The following UST variants were observed in gnomAD, a reference collection of about 807,000 sequenced individuals.
The protein encoded by UST is chondroitin sulfate 2-O-sulfotransferase.
In UST, 21 loss-of-function variants were observed where a neutral mutation model predicts 45.6. That is an observed-to-expected ratio of 0.46 (90% CI 0.33 to 0.66). The LOEUF (loss-of-function observed/expected upper bound fraction) is 0.66. Ranked by LOEUF, UST falls within the 30% of genes least tolerant of loss-of-function variation. The pLI is 0.02. For missense variants in UST, 463 were observed against 512.4 expected (o/e 0.90, Z 0.93); for synonymous variants, 215 against 200.6 (o/e 1.07, Z -0.61).
chr6:148,829,955 A>G (rs1036918189), intron 1 of UST, among the ~76,000 whole-genome samples: 1 of 152,246 alleles, frequency 6.6e-6, no homozygotes, highest in African/African-American at 2.4e-5. Flanking sequence ...AAAGACTTGC[A>G]TATCACTTTG....
chr6:148,864,283 G>T (rs1778381739), intron 1 of UST, among the ~76,000 whole-genome samples: 1 of 152,248 alleles, frequency 6.6e-6, no homozygotes, highest in South Asian at 2.1e-4. Context: ...GAGGCTCCAT[G>T]GGCGTGGGAC....
intron 1 of UST, among the ~76,000 whole-genome samples, chr6:148,782,981 TGAAAA>T (rs1480983819): frequency 6.6e-6 from 1 of 152,186 alleles, no homozygotes; most frequent in Non-Finnish European, 1.5e-5. Context: ...AGATCTTTCG[TGAAAA>T]GAAGAGTACA....
intron 1 of UST, among the ~76,000 whole-genome samples, chr6:148,881,027 TAAA>T (rs376159476): frequency 1.5e-5 from 2 of 136,960 alleles, no homozygotes; most frequent in Admixed American, 7.4e-5. Context: ...AGACTCCGTC[TAAA>T]AAAAAAAAAA....
At chr6:149,022,996 A>T (rs947026005) in intron 7 of UST, among the ~76,000 whole-genome samples, 32 of 152,150 alleles carry the variant, frequency 2.1e-4, no homozygotes, top group African/African-American at 7.7e-4. Context: ...AGACAACATA[A>T]ACTCCGTTCT....
intron 2 of UST, among the ~76,000 whole-genome samples, chr6:148,923,258 A>G (rs765117752): frequency 1.1e-4 from 16 of 152,224 alleles, no homozygotes; most frequent in Non-Finnish European, 1.9e-4. Context: ...GAATATTTCA[A>G]TACAAGACTT....
intron 5 of UST, among the ~76,000 whole-genome samples, chr6:148,966,789 C>T (rs9390646): frequency 0.34 from 52,358 of 152,000 alleles, 9,239 homozygotes; most frequent in Non-Finnish European, 0.38. Flanking sequence ...CAGGCTGGAG[C>T]GCAGTGGCAA....
intron 7 of UST, among the ~76,000 whole-genome samples, chr6:149,022,785 A>G (rs529914464): frequency 6.6e-6 from 1 of 152,218 alleles, no homozygotes; most frequent in Admixed American, 6.5e-5. Context: ...TGGCCCTACC[A>G]CCATCAGGGA....
chr6:148,804,603 G>A (rs117096446), intron 1 of UST, among the ~76,000 whole-genome samples: 9 of 152,148 alleles, frequency 5.9e-5, no homozygotes, highest in African/African-American at 1.2e-4. Context: ...TGTGTTTCAG[G>A]GGGGAGAAGT....
At chr6:148,801,249 A>G (rs965837067) in intron 1 of UST, among the ~76,000 whole-genome samples, 12 of 152,024 alleles carry the variant, frequency 7.9e-5, no homozygotes, top group African/African-American at 2.9e-4. Context: ...TTAATTTTAT[A>G]GCTTTGATTT....
intron 5 of UST, among the ~76,000 whole-genome samples, chr6:148,977,621 G>A (rs1582939075): frequency 1.3e-5 from 2 of 151,862 alleles, no homozygotes; most frequent in African/African-American, 2.4e-5. Flanking sequence ...ACGAGGTGGC[G>A]GGTGCCAGTA....
At position 148,774,589 on chromosome 6, in the gene UST, G is replaced by T. The variant is rs577421348; in HGVS notation, c.247+26912G>T. ...GAAATAGAACAGAGAGATCAATACA[G>T]TAATTTCAAGCGTGAAGTATAATCT... On this transcript the variant is annotated intron_variant, in intron 1 of 7. Coordinates refer to ENST00000367463, the MANE Select transcript of UST (RefSeq NM_005715.3). Among the ~76,000 whole-genome samples, 127 of 152,294 alleles carry T rather than the reference G, an allele frequency of 8.3e-4. No homozygotes were observed. In the Middle Eastern group the frequency reaches 0.01, roughly 12 times the overall value.
intron 5 of UST, among the ~76,000 whole-genome samples, chr6:148,967,757 G>A (rs1003978566): frequency 6.6e-6 from 1 of 152,270 alleles, no homozygotes; most frequent in Non-Finnish European, 1.5e-5. Flanking sequence ...GATTTACCAC[G>A]TCATTCCAGA....
chr6:148,815,807 A>G (rs1420890246), intron 1 of UST, among the ~76,000 whole-genome samples: 1 of 152,164 alleles, frequency 6.6e-6, no homozygotes, highest in Non-Finnish European at 1.5e-5. Flanking sequence ...TTCAGATTTA[A>G]ATAGTTGATT....
intron 7 of UST, among the ~76,000 whole-genome samples, chr6:149,059,831 C>G (rs986171660): frequency 2.0e-5 from 3 of 152,136 alleles, no homozygotes; most frequent in African/African-American, 7.2e-5. Context: ...AACCTAGAAG[C>G]CCGTCCAACA....
intron 5 of UST, 87 bp downstream of exon 5, chr6:148,964,650 G>A (rs1331612482): frequency 6.5e-7 from 1 of 1,543,650 alleles, no homozygotes; most frequent in East Asian, 2.3e-5. Context: ...TCCCTTCCCA[G>A]GCCTTCTCCT....
At chr6:148,821,588 C>A (rs1777467117) in intron 1 of UST, among the ~76,000 whole-genome samples, 1 of 152,140 alleles carries the variant, frequency 6.6e-6, no homozygotes, top group Admixed American at 6.5e-5. Flanking sequence ...TTATAAGGAG[C>A]CACTAAAAAC....
chr6:148,954,585 G>T (rs1050590687), intron 4 of UST, among the ~76,000 whole-genome samples: 1 of 152,146 alleles, frequency 6.6e-6, no homozygotes, highest in Non-Finnish European at 1.5e-5. Context: ...GAAGCAACAG[G>T]CTGTACTCTA....
At chr6:148,776,446 A>G (rs1776536720) in intron 1 of UST, among the ~76,000 whole-genome samples, 1 of 152,182 alleles carries the variant, frequency 6.6e-6, no homozygotes, top group African/African-American at 2.4e-5. Context: ...AAGCTGTTTT[A>G]TTGTGATGAC....
intron 7 of UST, among the ~76,000 whole-genome samples, chr6:149,043,034 T>G (rs564990150): frequency 7.2e-6 from 1 of 138,420 alleles, no homozygotes; most frequent in African/African-American, 3.1e-5. Flanking sequence ...TCTTTCTTTC[T>G]TTCTTTCTTT....
Sources: gnomAD v4.1 joint callset for allele counts (sites outside exome capture counted in the v4.1 genomes callset) on GRCh38, gnomAD v4.1.1 for gene constraint, MANE v1.5 for transcripts, NCBI Gene and HGNC (gene_info 2026-07-23, HGNC 2026-07-21) for gene names.